The following MAN2A2 variants were observed in gnomAD, a reference collection of about 807,000 sequenced individuals.
MAN2A2 encodes mannosidase alpha class 2A member 2.
A neutral mutation model predicts 126.8 loss-of-function variants in MAN2A2; 79 were observed. The observed-to-expected ratio is 0.62, with a 90% CI of 0.52 to 0.75. The LOEUF (loss-of-function observed/expected upper bound fraction) is 0.75, where lower values mean the gene tolerates loss of function less well. Ranked by LOEUF, MAN2A2 falls within the 30% of genes least tolerant of loss-of-function variation. The pLI is 0.00. For synonymous variants in MAN2A2, 671 were observed against 618.7 expected, an observed-to-expected ratio of 1.08 and a Z score of -1.25; for missense variants, 1,392 against 1,522.4, an observed-to-expected ratio of 0.91 and a Z score of 1.43.
intron 20 of MAN2A2, among the ~76,000 whole-genome samples, chr15:90,917,035 A>G (rs965049973): frequency 1.3e-5 from 2 of 152,224 alleles, no homozygotes; most frequent in African/African-American, 4.8e-5. Context: ...GGAGGCAGGA[A>G]AGACAACAGG....
rs766461718 is a variant in MAN2A2, at chr15:90,906,812, G to T, written c.908G>T (p.Arg303Leu). ...TCCACCATGCCTTACCTGCTGCGCC[G>T]TGCCAACCTCACCAGCATGCTGATT... ...YSSTMPYLLR[R>L]ANLTSMLIQR... The change falls in exon 7 of 23, where the codon CGT becomes CTT. Residue 303 changes from arginine (R) to leucine (L), a missense_variant. Arg to Leu is a moderately radical substitution (Grantham distance 102). Transcript: ENST00000559717. 1.2e-6 allele frequency: 2 copies of T among 1,613,904 alleles called. No individual in the cohort carries two copies. The highest frequency in any genetic ancestry group is 2.7e-5 in the African/African-American group (2 of 74,910).
rs199822932 is a variant in MAN2A2 at position 90,910,537 on chromosome 15, C to T, written c.1614C>T (p.His538=). The change falls in exon 11 of 23, where the codon CAC becomes CAT. Residue 538 remains histidine, a synonymous_variant. Transcript: ENST00000559717. ...TTCTGTACAGCCTGGCTGCAGCTCA[C>T]GCTCGCCGCTCTGGTCTGGCTGGCC... ...AEVLYSLAAA[H]ARRSGLAGRY... 6.2e-6 allele frequency: 10 copies of T among 1,614,052 alleles called. No individual in the cohort carries two copies. Among genetic ancestry groups the T allele is most frequent in the South Asian group, 2.2e-5 (2 of 91,090 alleles).
rs2035545307 is a variant in MAN2A2 at position 90,921,601 on chromosome 15, G to A, written c.*1814G>A. The A allele has an allele frequency of 6.6e-6, 1 of 152,202 alleles. No individual in the cohort carries two copies. Among genetic ancestry groups the A allele is most frequent in the Admixed American group, 6.5e-5 (1 of 15,270 alleles). The allele number at this position is 152,202 out of a possible 1,614,324, so 9.4% of individuals were successfully genotyped here. A position where few individuals can be genotyped will look rare whatever the true frequency, so the allele number is the denominator to read the frequency against. Reference sequence around the variant, plus strand: ...AAAAAGGTGGATTATTTAATAAACAGCACTTTTAGACAACTAGCTATCAAA... The same window carrying A: ...AAAAAGGTGGATTATTTAATAAACAACACTTTTAGACAACTAGCTATCAAA... On this transcript the variant is annotated 3_prime_UTR_variant, in exon 23 of 23. Coordinates refer to ENST00000559717, the MANE Select transcript of MAN2A2 (RefSeq NM_006122.4).
At position 90,905,952 on chromosome 15, in the gene MAN2A2, GAGGTCTC is replaced by G; in HGVS notation, c.644_650del (p.Glu215AlafsTer35). 1 of 1,614,000 alleles carries G rather than the reference GAGGTCTC, an allele frequency of 6.2e-7. No individual in the cohort carries two copies. The highest frequency in any genetic ancestry group is 8.5e-7 in the Non-Finnish European group (1 of 1,179,938). ...CCCCCGGCGGCGCTTCCTCTGGGCA[GAGGTCTC>G]CTTCTTCGCCAAGTGGTGGGACAAC... On this transcript the variant is annotated frameshift_variant, in exon 5 of 23. Transcript: ENST00000559717. LOFTEE classifies it high-confidence loss of function.
At chr15:90,904,736 C>G (rs1461389280) in intron 2 of MAN2A2, among the ~76,000 whole-genome samples, 3 of 152,118 alleles carry the variant, frequency 2.0e-5, no homozygotes, top group Non-Finnish European at 4.4e-5. Flanking sequence ...ACTACAGGAG[C>G]CTGCCACCAT....
chr15:90,915,815 G>A (rs1385423567), intron 19 of MAN2A2, among the ~76,000 whole-genome samples: 2 of 152,212 alleles, frequency 1.3e-5, no homozygotes, highest in Non-Finnish European at 2.9e-5. Flanking sequence ...GTCCTGATTC[G>A]GTTTCCTGCC....
intron 8 of MAN2A2, among the ~76,000 whole-genome samples, chr15:90,908,091 C>T (rs1047224752): frequency 8.5e-5 from 13 of 152,156 alleles, no homozygotes; most frequent in African/African-American, 2.2e-4. Context: ...AGAGTTGAAA[C>T]GTGACCAAAA....
Position 90,922,007 on chromosome 15 carries a change from T to G in MAN2A2, c.*2220T>G, listed in dbSNP as rs1197170369. ...TATACCACAAAATTACTCAAAAATT[T>G]TTATACCTCTGGTGTGGGACGGTCT... is the stretch of plus-strand genomic sequence containing the variant. On this transcript the variant is annotated 3_prime_UTR_variant, in exon 23 of 23. Coordinates refer to ENST00000559717, the MANE Select transcript of MAN2A2 (RefSeq NM_006122.4). 1 of 152,168 alleles carries G rather than the reference T, an allele frequency of 6.6e-6. No individual in the cohort carries two copies. Among genetic ancestry groups the G allele is most frequent in the Non-Finnish European group, 1.5e-5 (1 of 68,038 alleles). 9.4% of individuals were successfully genotyped at this position (152,168 alleles called of 1,614,324 possible). A position where few individuals can be genotyped will look rare whatever the true frequency, so the allele number is the denominator to read the frequency against.
intron 2 of MAN2A2, among the ~76,000 whole-genome samples, chr15:90,904,790 T>G (rs1259379896): frequency 6.6e-6 from 1 of 152,190 alleles, no homozygotes; most frequent in Non-Finnish European, 1.5e-5. Flanking sequence ...AGACGAGGTA[T>G]CGCCATGTTG....
chr15:90,904,199 G>C lies in MAN2A2; in HGVS notation c.-9G>C, dbSNP rs755892981. 1.2e-6 allele frequency: 2 copies of C among 1,614,066 alleles called. No individual in the cohort carries two copies. The highest frequency in any genetic ancestry group is 1.3e-5 in the African/African-American group (1 of 74,924). ...GTGTCCTTCCTGCCAGGTGTGTGTG[G>C]AGGCCAGTATGAAGCTGAAAAAGCA... On this transcript the variant is annotated 5_prime_UTR_variant, in exon 2 of 23. Transcript: ENST00000559717.
Position 90,906,029 on chromosome 15 carries a change from C to G in MAN2A2, c.707+13C>G, listed in dbSNP as rs201212079. ...CGGCAGTCCGAAGGCCAGTACCAGG[C>G]GGGGAGGCATGGGAGGGCATTGTCT... is the stretch of plus-strand genomic sequence containing the variant. On this transcript the variant is annotated intron_variant, in intron 5 of 22. Coordinates refer to ENST00000559717, the MANE Select transcript of MAN2A2 (RefSeq NM_006122.4). 1 of 1,613,102 alleles carries G rather than the reference C, an allele frequency of 6.2e-7. No homozygotes were observed. The highest frequency in any genetic ancestry group is 1.3e-5 in the African/African-American group (1 of 74,884).
intron 19 of MAN2A2, among the ~76,000 whole-genome samples, chr15:90,915,781 G>A (rs1368406946): frequency 6.6e-6 from 1 of 152,226 alleles, no homozygotes; most frequent in East Asian, 1.9e-4. Context: ...TTTCATTTCT[G>A]GTTTATTTTG....
At chr15:90,906,068 G>A (rs201609761) in intron 5 of MAN2A2, 52 bp downstream of exon 5, 2 of 1,608,802 alleles carry the variant, frequency 1.2e-6, no homozygotes, top group Non-Finnish European at 1.7e-6. Flanking sequence ...CCCCAGGCTG[G>A]GTGGACGGGT....
chr15:90,906,255 T>C (rs544258535), intron 5 of MAN2A2, 115 bp from the exon 6 acceptor site: 70 of 1,426,700 alleles, frequency 4.9e-5, no homozygotes, highest in Admixed American at 3.8e-4. Context: ...CTCTTGGTCC[T>C]GGGATTGGGA....
rs903853150 is a variant in MAN2A2 at position 90,903,429 on chromosome 15, G to A, written c.-22G>A. 12 of 153,518 alleles carry A rather than the reference G, an allele frequency of 7.8e-5. No homozygotes were observed. The highest frequency in any genetic ancestry group is 2.9e-4 in the African/African-American group (12 of 41,604). 9.5% of individuals were successfully genotyped at this position (153,518 alleles called of 1,614,324 possible). A position where few individuals can be genotyped will look rare whatever the true frequency, so the allele number is the denominator to read the frequency against. On this transcript the variant is annotated 5_prime_UTR_variant, in exon 1 of 23. Coordinates refer to ENST00000559717, the MANE Select transcript of MAN2A2 (RefSeq NM_006122.4). ...CAGTTAGCGTCCTCCTTCCTCCTGA[G>A]CAGGCAAGCGGAGCCCGAGGGCGGT...
rs892922117 is a variant in MAN2A2 at position 90,922,005 on chromosome 15, T to G, written c.*2218T>G. 12 of 152,084 alleles carry G rather than the reference T, an allele frequency of 7.9e-5. No individual in the cohort carries two copies. The highest frequency in any genetic ancestry group is 3.3e-4 in the Admixed American group (5 of 15,260). The allele number at this position is 152,084 out of a possible 1,614,324, so 9.4% of individuals were successfully genotyped here. A position where few individuals can be genotyped will look rare whatever the true frequency, so the allele number is the denominator to read the frequency against. ...GATATACCACAAAATTACTCAAAAA[T>G]TTTTATACCTCTGGTGTGGGACGGT... On this transcript the variant is annotated 3_prime_UTR_variant, in exon 23 of 23. Transcript: ENST00000559717.
chr15:90,914,400 G>A (rs186335967), intron 19 of MAN2A2, among the ~76,000 whole-genome samples: 295 of 152,380 alleles, frequency 1.9e-3, no homozygotes, highest in Middle Eastern at 6.8e-3. Context: ...TCTTCTGGGC[G>A]GGGCTGAGAG....
At chr15:90,918,467 C>T in intron 21 of MAN2A2, 79 bp downstream of exon 21, 3 of 1,481,712 alleles carry the variant, frequency 2.0e-6, no homozygotes, top group Non-Finnish European at 2.8e-6. Context: ...CCTTAGCCTC[C>T]AGGATGAGGT....
Position 90,905,575 on chromosome 15 carries a change from G to GC in MAN2A2, c.391-3dup. The GC allele has an allele frequency of 6.2e-7, 1 of 1,614,182 alleles. No individual in the cohort carries two copies. Among genetic ancestry groups the GC allele is most frequent in the South Asian group, 1.1e-5 (1 of 91,086 alleles). ...GGGGTACTGAGCTGCAGTTCACCTG[G>GC]CAGATGCTCACTGTGTCGGAGGAGC... On this transcript the variant is annotated splice_region_variant and splice_polypyrimidine_tract_variant and intron_variant, in intron 3 of 22. Coordinates refer to ENST00000559717, the MANE Select transcript of MAN2A2 (RefSeq NM_006122.4).
Sources: allele counts gnomAD v4.1 joint callset (sites outside exome capture counted in the v4.1 genomes callset), GRCh38; gene constraint gnomAD v4.1.1; transcripts MANE v1.5; gene names NCBI Gene and HGNC (gene_info 2026-07-23, HGNC 2026-07-21).